The following MMP3 variants were observed in gnomAD, a reference collection of about 807,000 sequenced individuals.
MMP3 encodes matrix metallopeptidase 3.
Under a neutral mutation model 47.3 loss-of-function variants are expected in MMP3, and 46 were observed. The observed-to-expected ratio is 0.97, with a 90% CI of 0.77 to 1.24. The LOEUF is 1.24. Ranked by LOEUF, MMP3 falls within the 50% of genes most tolerant of loss-of-function variation. MMP3 has a pLI of 0.00. For synonymous variants in MMP3, 216 were observed against 206.5 expected (o/e 1.05, Z -0.39); for missense variants, 558 against 565.5 (o/e 0.99, Z 0.13).
At position 102,842,205 on chromosome 11, in the gene MMP3, T is replaced by C. The variant is rs1450225675; in HGVS notation, c.574A>G (p.Asn192Asp). Reference sequence around the variant, plus strand: ...TCATCATCAAAGTGGGCATCTCCATTAATCCCTGGCCCAGGGGCATAGGCA... The same window carrying C: ...TCATCATCAAAGTGGGCATCTCCATCAATCCCTGGCCCAGGGGCATAGGCA... ...AHAYAPGPGI[N>D]GDAHFDDDEQ... Residue 192 changes from asparagine (N) to aspartate (D), a missense_variant, in exon 4 of 10, where the codon AAT becomes GAT. Transcript: ENST00000299855. 2 of 1,612,658 alleles carry C rather than the reference T, an allele frequency of 1.2e-6. No individual in the cohort carries two copies. The highest frequency in any genetic ancestry group is 4.5e-5 in the East Asian group (2 of 44,872).
chr11:102,839,033 G>A, intron 7 of MMP3, 77 bp downstream of exon 7: 1 of 1,506,638 alleles, frequency 6.6e-7, no homozygotes, highest in South Asian at 1.2e-5. Context: ...TTGTAGTAGG[G>A]AAAATTAAAG....
chr11:102,842,645 T>C, intron 2 of MMP3, 27 bp downstream of exon 2: 3 of 1,613,244 alleles, frequency 1.9e-6, no homozygotes, highest in East Asian at 4.5e-5. Context: ...ATTCCAATCT[T>C]ATGTGAAAAC....
At chr11:102,843,342 CAGTA>C (rs1859044808) in intron 1 of MMP3, 96 bp downstream of exon 1, 1 of 810,198 alleles carries the variant, frequency 1.2e-6, no homozygotes, top group Admixed American at 2.0e-5. Context: ...TGTTCCTACA[CAGTA>C]AGCTCAAGCA....
At chr11:102,842,089 T>C in intron 4 of MMP3, 65 bp downstream of exon 4, 1 of 1,429,182 alleles carries the variant, frequency 7.0e-7, no homozygotes, top group Non-Finnish European at 9.3e-7. Flanking sequence ...CATTCTTGGT[T>C]ATTAACAGAT....
chr11:102,839,484 C>A (rs1056566913), intron 6 of MMP3, among the ~76,000 whole-genome samples: 5 of 152,158 alleles, frequency 3.3e-5, no homozygotes, highest in Non-Finnish European at 7.4e-5. Flanking sequence ...ATTATTCTAT[C>A]GTGCAAATGA....
At chr11:102,838,488 T>G (rs1475289971) in intron 8 of MMP3, 63 bp downstream of exon 8, 1 of 1,540,530 alleles carries the variant, frequency 6.5e-7, no homozygotes, top group East Asian at 2.3e-5. Flanking sequence ...GGGGATTTCC[T>G]TAGTAAAAGA....
At chr11:102,843,393 G>A (rs1555005920) in intron 1 of MMP3, 49 bp downstream of exon 1, 3 of 1,361,896 alleles carry the variant, frequency 2.2e-6, no homozygotes, top group African/African-American at 1.4e-5. Flanking sequence ...AATGGTTTCA[G>A]CTTACTCTGG....
Position 102,836,749 on chromosome 11 carries a change from A to G in MMP3, c.1334-523T>C. ...GTGATCAGGTTACCTTTCAATAAAG[A>G]TCATCAGCCTCCACTTCCTTACCTT... On this transcript the variant is annotated intron_variant, in intron 9 of 9. Transcript: ENST00000299855. This position sits in a 1 kb window ranked among gnomAD's most constrained non-coding sequence, Gnocchi z 4.6. The G allele has an allele frequency of 3.7e-6, 1 of 269,038 alleles. No individual in the cohort carries two copies. Among genetic ancestry groups the G allele is most frequent in the Non-Finnish European group, 7.5e-6 (1 of 133,562 alleles). The allele number at this position is 269,038 out of a possible 1,614,324, so 16.7% of individuals were successfully genotyped here.
Position 102,842,876 on chromosome 11 carries a change from T to C in MMP3, c.146A>G (p.Lys49Arg). The C allele has an allele frequency of 1.2e-6, 2 of 1,612,698 alleles. No homozygotes were observed. Among genetic ancestry groups the C allele is most frequent in the Non-Finnish European group, 1.7e-6 (2 of 1,179,132 alleles). ...ENYYDLKKDV[K>R]QFVRRKDSGP... ...ACTGTCCTTTCTCCTAACAAACTGTTTCACATCTTTTTTGAGGTCGTAGTA... is the reference window on the plus strand; with the variant it reads ...ACTGTCCTTTCTCCTAACAAACTGTCTCACATCTTTTTTGAGGTCGTAGTA... The change falls in exon 2 of 10, where the codon AAA (lysine) becomes AGA (arginine). Residue 49 changes from lysine (K) to arginine (R), a missense_variant. Coordinates refer to ENST00000299855, the MANE Select transcript of MMP3 (RefSeq NM_002422.5).
intron 5 of MMP3, 33 bp downstream of exon 5, chr11:102,840,396 A>G (rs1858973816): frequency 6.2e-7 from 1 of 1,606,506 alleles, no homozygotes; most frequent in Non-Finnish European, 8.5e-7. Flanking sequence ...TCATTGCAAA[A>G]CTACAATGGC....
rs1201398397 is a variant in MMP3 at position 102,842,923 on chromosome 11, G to C, written c.106-7C>G. The C allele has an allele frequency of 6.3e-7, 1 of 1,587,992 alleles. No homozygotes were observed. The highest frequency in any genetic ancestry group is 8.6e-7 in the Non-Finnish European group (1 of 1,165,038). On this transcript the variant is annotated splice_region_variant and splice_polypyrimidine_tract_variant and intron_variant, in intron 1 of 9. Coordinates refer to ENST00000299855, the MANE Select transcript of MMP3 (RefSeq NM_002422.5). ...AGTAGTTTTCTAGATATTTCTAACAGAATAAGTATAGTTTTTAGGTCACTC... is the reference window on the plus strand; with the variant it reads ...AGTAGTTTTCTAGATATTTCTAACACAATAAGTATAGTTTTTAGGTCACTC...
intron 1 of MMP3, 97 bp downstream of exon 1, chr11:102,843,345 T>A: frequency 1.2e-6 from 1 of 829,234 alleles, no homozygotes; most frequent in African/African-American, 1.7e-5. Context: ...TCCTACACAG[T>A]AAGCTCAAGC....
In MMP3 at chr11:102,838,852, T is replaced by C. The variant is rs551470469; in HGVS notation, c.1070-142A>G. Reference sequence around the variant, plus strand: ...ATTTAGTCACCAGCTTACAGTGGGCTTTTCACAAAAATTTGCAGACTGAAT... The same window carrying C: ...ATTTAGTCACCAGCTTACAGTGGGCCTTTCACAAAAATTTGCAGACTGAAT... On this transcript the variant is annotated intron_variant, in intron 7 of 9. Coordinates refer to ENST00000299855, the MANE Select transcript of MMP3 (RefSeq NM_002422.5). 4.6e-6 allele frequency: 5 copies of C among 1,086,708 alleles called. No individual in the cohort carries two copies. The African/African-American group carries it at 6.4e-5, about 14-fold the overall frequency. The allele number at this position is 1,086,708 out of a possible 1,614,324, so 67.3% of individuals were successfully genotyped here.
chr11:102,842,403 G>GTTTTTTTTTTTTT, intron 3 of MMP3, 28 bp downstream of exon 3: 1 of 918,300 alleles, frequency 1.1e-6, no homozygotes. Context: ...GTTTTGTTTT[G>GTTTTTTTTTTTTT]CTTTTTTTTT....
chr11:102,840,325 C>G, intron 5 of MMP3, 73 bp from the exon 6 acceptor site: 1 of 1,588,146 alleles, frequency 6.3e-7, no homozygotes, highest in African/African-American at 1.3e-5. Context: ...AACATTCTCA[C>G]GGTGCTTTGA....
chr11:102,837,167 G>T lies in MMP3; in HGVS notation c.1333+131C>A, dbSNP rs1448390636. The stretch of plus-strand genomic sequence containing the variant: ...TTCTATAATGAGTACAAATGTAGGC[G>T]AATCAAAATTTTGAGAAGGGAACTG... On this transcript the variant is annotated intron_variant, in intron 9 of 9. Transcript: ENST00000299855. This position sits in a 1 kb window ranked among gnomAD's most constrained non-coding sequence, Gnocchi z 4.4. 1.5e-6 allele frequency: 1 copy of T among 647,574 alleles called. No individual in the cohort carries two copies. The highest frequency in any genetic ancestry group is 2.7e-6 in the Non-Finnish European group (1 of 370,082). The allele number at this position is 647,574 out of a possible 1,614,324, so 40.1% of individuals were successfully genotyped here.
chr11:102,838,962 A>G, intron 7 of MMP3, 148 bp downstream of exon 7: 1 of 886,292 alleles, frequency 1.1e-6, no homozygotes, highest in Non-Finnish European at 1.7e-6. Context: ...TGAAATATAA[A>G]TACAATGATA....
chr11:102,840,376 C>T, intron 5 of MMP3, 53 bp downstream of exon 5: 3 of 1,600,922 alleles, frequency 1.9e-6, no homozygotes, highest in Non-Finnish European at 2.6e-6. Flanking sequence ...GAAAGCTCTT[C>T]TGAAGACCAT....
Position 102,842,934 on chromosome 11 carries a change from G to A in MMP3, c.106-18C>T, listed in dbSNP as rs781951428. 1.3e-6 allele frequency: 2 copies of A among 1,562,762 alleles called. No homozygotes were observed. The highest frequency in any genetic ancestry group is 2.4e-5 in the South Asian group (2 of 83,832). ...AGATATTTCTAACAGAATAAGTATA[G>A]TTTTTAGGTCACTCTTACAATTTTT... On this transcript the variant is annotated intron_variant, in intron 1 of 9. Transcript: ENST00000299855.
Sources: allele counts gnomAD v4.1 joint callset (sites outside exome capture counted in the v4.1 genomes callset), GRCh38; gene constraint gnomAD v4.1.1; non-coding constraint Gnocchi (gnomAD v3.1); transcripts MANE v1.5; gene names NCBI Gene and HGNC (gene_info 2026-07-23, HGNC 2026-07-21).